CTNNA2: variants seen among roughly 807,000 people sequenced by gnomAD.
CTNNA2 encodes the protein catenin alpha 2, also known as catenin alpha-2.
A neutral mutation model predicts 101.0 loss-of-function variants in CTNNA2; 42 were observed. The ratio of observed to expected loss-of-function variants is 0.42; its 90% CI spans 0.32 to 0.54. The LOEUF is 0.54. CTNNA2 is among the 20% of genes least tolerant of loss of function. The pLI is 0.14. For missense variants in CTNNA2, 871 were observed against 1,223.1 expected (o/e 0.71, Z 4.29); for synonymous variants, 450 against 456.4 (o/e 0.99, Z 0.18).
chr2:80,551,541 G>T (rs1324240231), intron 11 of CTNNA2, among the ~76,000 whole-genome samples: 1 of 152,188 alleles, frequency 6.6e-6, no homozygotes, highest in Non-Finnish European at 1.5e-5. Context: ...ATCAGCACTT[G>T]CTGGTTTACC....
In CTNNA2 at chr2:79,916,577, C is replaced by CT. The variant is rs35271371; in HGVS notation, c.1056+6794dup. Reference sequence around the variant, plus strand: ...CTCCCCTCCCCTCCCCTCCCTTCTCCTTTTTTTTTTTTTTGACGGAGGAGT... The same window carrying CT: ...CTCCCCTCCCCTCCCCTCCCTTCTCCTTTTTTTTTTTTTTTGACGGAGGAGT... On this transcript the variant is annotated intron_variant, in intron 7 of 18. Transcript: ENST00000402739. Among the ~76,000 whole-genome samples, 143 of 37,848 alleles carry CT rather than the reference C, an allele frequency of 3.8e-3. 20 individuals are homozygous for CT. Among genetic ancestry groups the CT allele is most frequent in the African/African-American group, 0.014 (113 of 7,978 alleles). The allele number at this position is 37,848 out of a possible 152,430, so 24.8% of individuals were successfully genotyped here. A position where few individuals can be genotyped will look rare whatever the true frequency, so the allele number is the denominator to read the frequency against.
intron 7 of CTNNA2, among the ~76,000 whole-genome samples, chr2:80,191,865 G>A (rs1366858467): frequency 6.6e-6 from 1 of 152,066 alleles, no homozygotes; most frequent in Non-Finnish European, 1.5e-5. Context: ...TTTAGGGTGT[G>A]GTTAAAGATA....
At chr2:79,585,513 A>G (rs1397618481) in intron 1 of CTNNA2, among the ~76,000 whole-genome samples, 2 of 152,024 alleles carry the variant, frequency 1.3e-5, no homozygotes, top group Non-Finnish European at 1.5e-5. Context: ...TATTATTATT[A>G]TAATATGTAA....
intron 7 of CTNNA2, among the ~76,000 whole-genome samples, chr2:80,294,369 G>T (rs934974629): frequency 6.6e-6 from 1 of 152,122 alleles, no homozygotes; most frequent in African/African-American, 2.4e-5. Context: ...TTCTATCAGT[G>T]CCACCAGATG....
At chr2:79,886,792 G>A (rs1259851063) in intron 6 of CTNNA2, among the ~76,000 whole-genome samples, 5 of 148,084 alleles carry the variant, frequency 3.4e-5, no homozygotes, top group Non-Finnish European at 7.4e-5. Flanking sequence ...AAATGGCATG[G>A]TCAGACTTGT....
At chr2:79,399,007 A>G (rs1678261230) in intron 4 of CTNNA2, among the ~76,000 whole-genome samples, 1 of 152,102 alleles carries the variant, frequency 6.6e-6, no homozygotes, top group South Asian at 2.1e-4. Flanking sequence ...GAAGAGGTAG[A>G]ACTGAATTTA....
intron 7 of CTNNA2, among the ~76,000 whole-genome samples, chr2:80,183,555 A>C (rs927562107): frequency 2.0e-5 from 3 of 152,138 alleles, no homozygotes; most frequent in Non-Finnish European, 4.4e-5. Context: ...GGGAGGGTAA[A>C]CTTGAAAGCC....
intron 7 of CTNNA2, among the ~76,000 whole-genome samples, chr2:80,125,140 G>A (rs192755812): frequency 6.6e-6 from 1 of 152,118 alleles, no homozygotes; most frequent in African/African-American, 2.4e-5. Context: ...CAAATCTGGG[G>A]CATCAAAATC....
chr2:79,243,001 C>CACACACACACACACACAT (rs1553385607), intron 2 of CTNNA2, among the ~76,000 whole-genome samples: 1 of 122,666 alleles, frequency 8.2e-6, no homozygotes, highest in African/African-American at 2.9e-5. Flanking sequence ...TATACACACA[C>CACACACACACACACACAT]ACACACACAC....
At chr2:79,440,569 C>T (rs1430166263) in intron 4 of CTNNA2, among the ~76,000 whole-genome samples, 1 of 152,054 alleles carries the variant, frequency 6.6e-6, no homozygotes, top group Non-Finnish European at 1.5e-5. Context: ...AGACCTAGTC[C>T]TTAGGGACTC....
chr2:79,444,726 A>G (rs10520241), intron 4 of CTNNA2, among the ~76,000 whole-genome samples: 7,390 of 152,178 alleles, frequency 0.049, 299 homozygotes, highest in East Asian at 0.13. Context: ...TATACACATC[A>G]TCTGCAATTT....
chr2:79,557,820 T>C (rs1485888118), intron 1 of CTNNA2, among the ~76,000 whole-genome samples: 2 of 151,940 alleles, frequency 1.3e-5, no homozygotes, highest in African/African-American at 4.8e-5. Flanking sequence ...TAAACTGGTA[T>C]TGACATCTAT....
intron 7 of CTNNA2, among the ~76,000 whole-genome samples, chr2:80,321,514 C>A (rs1678684807): frequency 6.6e-6 from 1 of 152,170 alleles, no homozygotes; most frequent in East Asian, 1.9e-4. Flanking sequence ...TCTGTTATTT[C>A]TTTATTGAAC....
intron 7 of CTNNA2, among the ~76,000 whole-genome samples, chr2:80,342,493 T>G (rs1672332361): frequency 6.6e-6 from 1 of 152,222 alleles, no homozygotes; most frequent in Non-Finnish European, 1.5e-5. Context: ...GAGCAAGCAG[T>G]CATGGTCATC....
chr2:79,766,517 G>T (rs1347584333), intron 3 of CTNNA2, among the ~76,000 whole-genome samples: 1 of 151,918 alleles, frequency 6.6e-6, no homozygotes, highest in Admixed American at 6.6e-5. Flanking sequence ...GTTTTCTTTG[G>T]GTTAAATCTG....
Position 79,749,098 on chromosome 2 carries a change from C to T in CTNNA2, c.298+4516C>T, listed in dbSNP as rs550039955. ...GTATCACCATTTACCTAACAACTTT[C>T]ACCTGGCAACCTTCATTCAACCCAA... On this transcript the variant is annotated intron_variant, in intron 3 of 18. Coordinates refer to ENST00000402739, the MANE Select transcript of CTNNA2 (RefSeq NM_001282597.3). 8.5e-5 allele frequency among the ~76,000 whole-genome samples: 13 copies of T among 152,238 alleles called. No individual in the cohort carries two copies. The South Asian group carries it at 2.7e-3, about 32-fold the overall frequency.
At chr2:79,222,273 A>G (rs1674355238) in intron 2 of CTNNA2, among the ~76,000 whole-genome samples, 1 of 152,196 alleles carries the variant, frequency 6.6e-6, no homozygotes. Context: ...TGTCAAATAA[A>G]CCACTACTGA....
chr2:80,109,463 GAAACAAAC>G (rs3067112), intron 7 of CTNNA2, among the ~76,000 whole-genome samples: 8,417 of 151,602 alleles, frequency 0.056, 767 homozygotes, highest in African/African-American at 0.19. Context: ...TCTGTCTCAA[GAAACAAAC>G]AAACAAACAA....
At chr2:79,356,239 A>T (rs1677506522) in intron 3 of CTNNA2, among the ~76,000 whole-genome samples, 1 of 151,826 alleles carries the variant, frequency 6.6e-6, no homozygotes, top group South Asian at 2.1e-4. Flanking sequence ...CTTATTGGTC[A>T]TTTGTTTATT....
Sources: gnomAD v4.1 joint callset for allele counts (sites outside exome capture counted in the v4.1 genomes callset) on GRCh38, gnomAD v4.1.1 for gene constraint, MANE v1.5 for transcripts, NCBI Gene and HGNC (gene_info 2026-07-23, HGNC 2026-07-21) for gene names.